The following LRRC8C variants were observed in gnomAD, a reference collection of about 807,000 sequenced individuals.
The protein encoded by LRRC8C is leucine rich repeat containing 8 VRAC subunit C.
A neutral mutation model predicts 55.3 loss-of-function variants in LRRC8C; 20 were observed. That is an observed-to-expected ratio of 0.36 (90% CI 0.25 to 0.53). The LOEUF (loss-of-function observed/expected upper bound fraction) is 0.53. LRRC8C is among the 20% of genes least tolerant of loss of function. LRRC8C has a pLI of 0.92. For synonymous variants in LRRC8C, 376 were observed against 360.7 expected (o/e 1.04, Z -0.48); for missense variants, 659 against 951.4 (o/e 0.69, Z 4.04).
intron 1 of LRRC8C, among the ~76,000 whole-genome samples, chr1:89,657,990 C>T (rs1028992639): frequency 6.6e-6 from 1 of 152,138 alleles, no homozygotes; most frequent in African/African-American, 2.4e-5. Context: ...TACATTTACT[C>T]AGCTTGACTA....
chr1:89,652,661 A>G (rs1251543566), intron 1 of LRRC8C, among the ~76,000 whole-genome samples: 1 of 152,156 alleles, frequency 6.6e-6, no homozygotes, highest in Non-Finnish European at 1.5e-5. Context: ...AGAGGACCAC[A>G]CTGGGTGCAG....
chr1:89,643,576 G>A (rs1175969963), intron 1 of LRRC8C, among the ~76,000 whole-genome samples: 1 of 152,200 alleles, frequency 6.6e-6, no homozygotes, highest in African/African-American at 2.4e-5. Flanking sequence ...TTGCTTTTAA[G>A]TATGATAAGA....
intron 2 of LRRC8C, among the ~76,000 whole-genome samples, chr1:89,691,752 A>G (rs941485374): frequency 1.8e-4 from 28 of 152,222 alleles, no homozygotes; most frequent in Non-Finnish European, 3.1e-4. Flanking sequence ...CCCTGTGCAC[A>G]CTGCTATCAA....
At position 89,714,661 on chromosome 1, in the gene LRRC8C, T is replaced by C. The variant is rs774783014; in HGVS notation, c.2091T>C (p.Phe697=). 7.4e-6 allele frequency: 12 copies of C among 1,614,082 alleles called. No individual in the cohort carries two copies. The South Asian group carries it at 1.2e-4, about 16-fold the overall frequency. Residue 697 remains phenylalanine (F), a synonymous_variant, in exon 3 of 3, where the codon TTT becomes TTC. Coordinates refer to ENST00000370454, the MANE Select transcript of LRRC8C (RefSeq NM_032270.5). The surrounding 1 kb of genome is among the most constrained non-coding windows in gnomAD (Gnocchi z 4.6). ...YLDLSYNDIR[F]IPPEIGVLQS... ...ACTTATCGTACAATGACATTCGATT[T>C]ATCCCCCCTGAAATTGGAGTTCTAC...
At chr1:89,622,722 T>C in the LRRC8C span, among the ~76,000 whole-genome samples, 10 of 152,324 alleles carry the variant, frequency 6.6e-5, no homozygotes, top group South Asian at 1.2e-3. Context: ...TTCAAATCAC[T>C]GCAGCAAGTT....
At chr1:89,650,319 A>G (rs1005557823) in intron 1 of LRRC8C, among the ~76,000 whole-genome samples, 11 of 152,210 alleles carry the variant, frequency 7.2e-5, no homozygotes. Context: ...GCAGGATGGC[A>G]AAACTGGTGC....
chr1:89,711,944 G>T (rs1384858015), intron 2 of LRRC8C, among the ~76,000 whole-genome samples: 4 of 152,234 alleles, frequency 2.6e-5, no homozygotes, highest in African/African-American at 9.6e-5. Flanking sequence ...TGTAGAAAAA[G>T]AAGGGGAAAA....
chr1:89,683,513 A>G (rs941668423), intron 1 of LRRC8C, among the ~76,000 whole-genome samples: 1 of 151,954 alleles, frequency 6.6e-6, no homozygotes, highest in African/African-American at 2.4e-5. Flanking sequence ...GCATGCCACC[A>G]CGCCCAGCTA....
intron 1 of LRRC8C, among the ~76,000 whole-genome samples, chr1:89,641,942 A>G (rs1934044): frequency 0.6 from 92,010 of 152,090 alleles, 28,548 homozygotes; most frequent in East Asian, 0.79. Flanking sequence ...CGATCTTTTT[A>G]TGTGATCAAG....
At chr1:89,636,280 T>C (rs560740093) in intron 1 of LRRC8C, among the ~76,000 whole-genome samples, 1 of 152,338 alleles carries the variant, frequency 6.6e-6, no homozygotes, top group East Asian at 1.9e-4. Flanking sequence ...AAACTTCTGC[T>C]GTATTTCACT....
chr1:89,712,465 G>A (rs1363190608), intron 2 of LRRC8C, among the ~76,000 whole-genome samples: 1 of 152,104 alleles, frequency 6.6e-6, no homozygotes, highest in African/African-American at 2.4e-5. Context: ...TTTCTTGTGA[G>A]TTGTTCTATG....
At position 89,715,279 on chromosome 1, in the gene LRRC8C, T is replaced by TA. The variant is rs544963624; in HGVS notation, c.*299dup. On this transcript the variant is annotated 3_prime_UTR_variant, in exon 3 of 3. Coordinates refer to ENST00000370454, the MANE Select transcript of LRRC8C (RefSeq NM_032270.5). ...CATTCTTGTGGAAAGGAGGGAATTATAAGTTGCATGCTTTTTGGCATTTTT... is the reference window on the plus strand; with the variant it reads ...CATTCTTGTGGAAAGGAGGGAATTATAAAGTTGCATGCTTTTTGGCATTTTT... 67 of 203,820 alleles carry TA rather than the reference T, an allele frequency of 3.3e-4. No homozygotes were observed. The East Asian group carries it at 6.2e-3, about 19-fold the overall frequency. The allele number at this position is 203,820 out of a possible 1,614,324, so 12.6% of individuals were successfully genotyped here. A position where few individuals can be genotyped will look rare whatever the true frequency, so the allele number is the denominator to read the frequency against.
intron 1 of LRRC8C, among the ~76,000 whole-genome samples, chr1:89,685,404 C>T (rs372005519): frequency 3.4e-4 from 51 of 152,176 alleles, no homozygotes; most frequent in South Asian, 2.3e-3. Context: ...CGTGAGCCAC[C>T]GCGCCCGGCC....
In LRRC8C at chr1:89,717,012, T is replaced by G. The variant is rs140338130; in HGVS notation, c.*2030T>G. Reference sequence around the variant, plus strand: ...TAGAATGGTGATTTTGCTGATTAATTTAGACCTGGAATTGAAATAATGTGC... The same window carrying G: ...TAGAATGGTGATTTTGCTGATTAATGTAGACCTGGAATTGAAATAATGTGC... On this transcript the variant is annotated 3_prime_UTR_variant, in exon 3 of 3. Transcript: ENST00000370454. 5 of 152,278 alleles carry G rather than the reference T, an allele frequency of 3.3e-5. No homozygotes were observed. The highest frequency in any genetic ancestry group is 3.4e-3 in the Middle Eastern group (1 of 294). 9.4% of individuals were successfully genotyped at this position (152,278 alleles called of 1,614,324 possible). A position where few individuals can be genotyped will look rare whatever the true frequency, so the allele number is the denominator to read the frequency against.
At chr1:89,657,737 A>G (rs1173855825) in intron 1 of LRRC8C, among the ~76,000 whole-genome samples, 4 of 26,588 alleles carry the variant, frequency 1.5e-4, no homozygotes, top group African/African-American at 4.3e-4. Context: ...GAGACTCTGT[A>G]TCAAAAAAAA....
the LRRC8C span, among the ~76,000 whole-genome samples, chr1:89,619,426 A>G: frequency 6.7e-6 from 1 of 150,094 alleles, no homozygotes; most frequent in South Asian, 2.1e-4. Context: ...AAAAATAACA[A>G]TTTATTTACA....
chr1:89,666,439 T>C (rs371606335), intron 1 of LRRC8C, among the ~76,000 whole-genome samples: 1 of 152,064 alleles, frequency 6.6e-6, no homozygotes, highest in Non-Finnish European at 1.5e-5. Flanking sequence ...AAGCCCATGA[T>C]TCAAAACAAA....
At chr1:89,702,022 AAT>A (rs1444368297) in intron 2 of LRRC8C, among the ~76,000 whole-genome samples, 1 of 152,170 alleles carries the variant, frequency 6.6e-6, no homozygotes, top group Middle Eastern at 3.2e-3. Context: ...AAGCTGAAAA[AAT>A]ATAGCGATTA....
rs1031641550 is a variant in LRRC8C at position 89,717,939 on chromosome 1, A to G, written c.*2957A>G. 1 of 152,212 alleles carries G rather than the reference A, an allele frequency of 6.6e-6. No homozygotes were observed. Among genetic ancestry groups the G allele is most frequent in the African/African-American group, 2.4e-5 (1 of 41,458 alleles). The allele number at this position is 152,212 out of a possible 1,614,324, so 9.4% of individuals were successfully genotyped here. A position where few individuals can be genotyped will look rare whatever the true frequency, so the allele number is the denominator to read the frequency against. The stretch of plus-strand genomic sequence containing the variant: ...CTCCTATGGCTGCTTGAAGCTCATG[A>G]TGAAAAAGTCTTTTTGTCAGTTTTA... On this transcript the variant is annotated 3_prime_UTR_variant, in exon 3 of 3. Coordinates refer to ENST00000370454, the MANE Select transcript of LRRC8C (RefSeq NM_032270.5).
Sources: allele counts gnomAD v4.1 joint callset (sites outside exome capture counted in the v4.1 genomes callset), GRCh38; gene constraint gnomAD v4.1.1; non-coding constraint Gnocchi (gnomAD v3.1); transcripts MANE v1.5; gene names NCBI Gene and HGNC (gene_info 2026-07-23, HGNC 2026-07-21).